The following SEPTIN11 variants were observed in gnomAD, a reference collection of about 807,000 sequenced individuals.
SEPTIN11 encodes the protein septin 11, also known as septin-11.
SEPTIN11 carries 25 observed loss-of-function variants against 51.4 expected under a neutral mutation model. The ratio of observed to expected loss-of-function variants is 0.49; its 90% CI spans 0.35 to 0.68. The LOEUF is 0.68. SEPTIN11 is among the 30% of genes least tolerant of loss of function. SEPTIN11 has a pLI of 0.00. For missense variants in SEPTIN11, 381 were observed against 520.8 expected (o/e 0.73, Z 2.61); for synonymous variants, 174 against 184.1 (o/e 0.95, Z 0.44).
chr4:76,979,658 C>T (rs748309044), intron 1 of SEPTIN11, among the ~76,000 whole-genome samples: 14 of 151,958 alleles, frequency 9.2e-5, no homozygotes, highest in Admixed American at 5.9e-4. Flanking sequence ...TCAAGGCAGG[C>T]GGATCACCTG....
At position 76,995,100 on chromosome 4, in the gene SEPTIN11, A is replaced by T. The variant is rs962041287; in HGVS notation, c.28-1325A>T. Among the ~76,000 whole-genome samples, 221 of 141,622 alleles carry T rather than the reference A, an allele frequency of 1.6e-3. 1 individual carries two copies. Among genetic ancestry groups the T allele is most frequent in the Non-Finnish European group, 2.1e-3 (134 of 64,270 alleles). 92.9% of individuals were successfully genotyped at this position (141,622 alleles called of 152,430 possible). On this transcript the variant is annotated intron_variant, in intron 1 of 9. Coordinates refer to ENST00000264893, the MANE Select transcript of SEPTIN11 (RefSeq NM_018243.4). Reference sequence around the variant, plus strand: ...ACCCTGTCTCTAAAAAAAAAAAAAAATGGCTGGGTGTGGTGGCTCATGCCT... The same window carrying T: ...ACCCTGTCTCTAAAAAAAAAAAAAATTGGCTGGGTGTGGTGGCTCATGCCT...
intron 1 of SEPTIN11, chr4:76,959,167 A>G (rs1409742956): frequency 3.2e-5 from 15 of 474,408 alleles, no homozygotes; most frequent in East Asian, 1.9e-4. Flanking sequence ...TCGTTTTACC[A>G]TTCTTGGCTG....
At position 77,011,522 on chromosome 4, in the gene SEPTIN11, T is replaced by A. The variant is rs1166391891; in HGVS notation, c.339-213T>A. 8.6e-5 allele frequency among the ~76,000 whole-genome samples: 7 copies of A among 81,502 alleles called. No individual in the cohort carries two copies. The East Asian group carries it at 3.2e-3, about 38-fold the overall frequency. The allele number at this position is 81,502 out of a possible 152,430, so 53.5% of individuals were successfully genotyped here. ...AGAGGAAATAAGGGCTTGACATGGG[T>A]GGGGGGCGGGCTGCTACAAATGATT... On this transcript the variant is annotated intron_variant, in intron 3 of 9. Transcript: ENST00000264893.
chr4:76,998,243 T>C (rs1723868694), intron 2 of SEPTIN11, among the ~76,000 whole-genome samples: 1 of 152,224 alleles, frequency 6.6e-6, no homozygotes, highest in South Asian at 2.1e-4. Context: ...TATATATTTG[T>C]TGTTTAAAAT....
At chr4:76,953,030 C>T (rs779653060) in intron 1 of SEPTIN11, among the ~76,000 whole-genome samples, 4 of 152,254 alleles carry the variant, frequency 2.6e-5, no homozygotes, top group African/African-American at 9.6e-5. Context: ...TTAGCCTGCT[C>T]CCCAGTGCAG....
rs373565562 is a variant in SEPTIN11, at chr4:77,034,494, C to G, written c.1275-3C>G. On this transcript the variant is annotated splice_polypyrimidine_tract_variant and splice_region_variant and intron_variant, in intron 9 of 9. Coordinates refer to ENST00000264893, the MANE Select transcript of SEPTIN11 (RefSeq NM_018243.4). ...CTTTTTTGTTTTGTTTTTTAACTTG[C>G]AGTGCAAGCTTCACATAAAGCCTGG... is the stretch of plus-strand genomic sequence containing the variant. The G allele has an allele frequency of 2.2e-5, 34 of 1,545,038 alleles. No individual in the cohort carries two copies. Among genetic ancestry groups the G allele is most frequent in the Non-Finnish European group, 2.9e-5 (33 of 1,151,474 alleles).
Position 77,011,715 on chromosome 4 carries a change from A to T in SEPTIN11, c.339-20A>T, listed in dbSNP as rs1482155618. On this transcript the variant is annotated intron_variant, in intron 3 of 9. Transcript: ENST00000264893. ...GTGAAAGAGGTTTGAGACTAGAAAC[A>T]TGCTGTTTCTGCATTCTAGCTATAA... The T allele has an allele frequency of 1.2e-6, 2 of 1,611,224 alleles. No homozygotes were observed. The highest frequency in any genetic ancestry group is 1.7e-6 in the Non-Finnish European group (2 of 1,177,600).
intron 5 of SEPTIN11, among the ~76,000 whole-genome samples, chr4:77,016,236 T>C (rs1255689659): frequency 1.3e-5 from 2 of 151,824 alleles, no homozygotes; most frequent in African/African-American, 2.4e-5. Flanking sequence ...CATAGGTAGG[T>C]GCTGTTATTA....
intron 2 of SEPTIN11, among the ~76,000 whole-genome samples, chr4:77,002,941 C>T (rs1724222890): frequency 6.6e-6 from 1 of 152,184 alleles, no homozygotes; most frequent in Non-Finnish European, 1.5e-5. Context: ...GCTTGTCACA[C>T]AGTGAGCGCC....
At chr4:76,958,105 C>T (rs905947460) in intron 1 of SEPTIN11, among the ~76,000 whole-genome samples, 19 of 152,196 alleles carry the variant, frequency 1.2e-4, no homozygotes, top group African/African-American at 4.3e-4. Context: ...TGAAAATTCA[C>T]CCTTCAGATA....
chr4:76,985,216 TTTG>T (rs1040227779), intron 1 of SEPTIN11: 4 of 152,368 alleles, frequency 2.6e-5, no homozygotes, highest in Admixed American at 6.5e-5. Flanking sequence ...AAATGTCTTT[TTTG>T]TTGTTGTTAA....
chr4:76,955,463 G>T (rs755754917), intron 1 of SEPTIN11, among the ~76,000 whole-genome samples: 14 of 152,206 alleles, frequency 9.2e-5, no homozygotes, highest in African/African-American at 1.4e-4. Flanking sequence ...CAGCCTTAGG[G>T]TTGGGTAGGG....
intron 2 of SEPTIN11, among the ~76,000 whole-genome samples, chr4:77,000,778 C>T (rs906781308): frequency 6.6e-6 from 1 of 152,140 alleles, no homozygotes; most frequent in African/African-American, 2.4e-5. Flanking sequence ...AATGAAATGC[C>T]AGGTGCCACA....
intron 1 of SEPTIN11, among the ~76,000 whole-genome samples, chr4:76,955,768 A>G (rs946531998): frequency 1.3e-5 from 2 of 152,190 alleles, no homozygotes; most frequent in African/African-American, 2.4e-5. Context: ...CTGACAGAGG[A>G]CACAGAGAAG....
chr4:77,005,377 T>C (rs977182144), intron 2 of SEPTIN11, among the ~76,000 whole-genome samples: 1 of 152,252 alleles, frequency 6.6e-6, no homozygotes, highest in African/African-American at 2.4e-5. Context: ...ATCTGTAAAT[T>C]TGAAATCTCT....
chr4:77,017,639 A>G (rs779392067), intron 5 of SEPTIN11, among the ~76,000 whole-genome samples: 3 of 152,238 alleles, frequency 2.0e-5, no homozygotes, highest in Non-Finnish European at 2.9e-5. Flanking sequence ...ATCTGAGCCA[A>G]TGATTATGCC....
At chr4:77,005,433 A>G (rs534471982) in intron 2 of SEPTIN11, among the ~76,000 whole-genome samples, 168 bp from the exon 3 acceptor site, 1 of 152,330 alleles carries the variant, frequency 6.6e-6, no homozygotes, top group African/African-American at 2.4e-5. Context: ...TTAGGAAGGT[A>G]TTCCATAGAT....
chr4:76,969,046 T>C (rs953420289), intron 1 of SEPTIN11, among the ~76,000 whole-genome samples: 1 of 152,314 alleles, frequency 6.6e-6, no homozygotes, highest in African/African-American at 2.4e-5. Flanking sequence ...CCACATGTTA[T>C]GTTTGGCTTG....
Position 76,994,066 on chromosome 4 carries a change from C to T in SEPTIN11, c.28-2359C>T, listed in dbSNP as rs114866577. 3.2e-3 allele frequency among the ~76,000 whole-genome samples: 482 copies of T among 152,218 alleles called. 1 individual carries two copies. Among genetic ancestry groups the T allele is most frequent in the African/African-American group, 0.011 (461 of 41,524 alleles). The stretch of plus-strand genomic sequence containing the variant: ...CAGAGCAATAAACCATTCTCCCCTC[C>T]CCCTGAAATTAACAGAATTATGTGG... On this transcript the variant is annotated intron_variant, in intron 1 of 9. Coordinates refer to ENST00000264893, the MANE Select transcript of SEPTIN11 (RefSeq NM_018243.4).
Sources: gnomAD v4.1 joint callset for allele counts (sites outside exome capture counted in the v4.1 genomes callset) on GRCh38, gnomAD v4.1.1 for gene constraint, MANE v1.5 for transcripts, NCBI Gene and HGNC (gene_info 2026-07-23, HGNC 2026-07-21) for gene names.